Variants in PTPRO observed in about 807,000 individuals in gnomAD.
PTPRO encodes receptor-type tyrosine-protein phosphatase O.
In PTPRO, 62 loss-of-function variants were observed where a neutral mutation model predicts 145.2. The ratio of observed to expected loss-of-function variants is 0.43; its 90% CI spans 0.35 to 0.53. The LOEUF (loss-of-function observed/expected upper bound fraction) is 0.53, where lower values mean the gene tolerates loss of function less well. Among genes scored for constraint, PTPRO ranks in the 20% least tolerant of loss-of-function variants. The pLI is 0.01. For synonymous variants in PTPRO, 565 were observed against 514.7 expected (o/e 1.10, Z -1.32); for missense variants, 1,345 against 1,482.7 (o/e 0.91, Z 1.53).
intron 1 of PTPRO, among the ~76,000 whole-genome samples, chr12:15,402,906 A>G (rs1408165693): frequency 6.6e-6 from 1 of 152,212 alleles, no homozygotes; most frequent in Non-Finnish European, 1.5e-5. Context: ...CTGTACTGTC[A>G]CAGTCAGTAC....
intron 1 of PTPRO, among the ~76,000 whole-genome samples, chr12:15,359,166 G>C (rs182326479): frequency 6.0e-4 from 92 of 152,284 alleles, no homozygotes; most frequent in African/African-American, 2.1e-3. Context: ...GTTTCTAAAA[G>C]AGTACCTCAC....
intron 1 of PTPRO, among the ~76,000 whole-genome samples, chr12:15,400,613 G>T (rs2136298577): frequency 6.6e-6 from 1 of 152,190 alleles, no homozygotes; most frequent in Middle Eastern, 3.4e-3. Flanking sequence ...CATCATGACA[G>T]GCTTTCATCA....
chr12:15,423,197 A>G (rs1940194047), intron 1 of PTPRO, among the ~76,000 whole-genome samples: 2 of 152,246 alleles, frequency 1.3e-5, no homozygotes, highest in East Asian at 3.9e-4. Flanking sequence ...AATTGCTGCA[A>G]ACCTCCCATA....
chr12:15,337,128 G>A (rs962169927), intron 1 of PTPRO, among the ~76,000 whole-genome samples: 3 of 152,256 alleles, frequency 2.0e-5, no homozygotes, highest in Middle Eastern at 3.4e-3. Context: ...AAGAAGAAAC[G>A]TTTTGTAGGA....
intron 1 of PTPRO, among the ~76,000 whole-genome samples, chr12:15,328,276 A>C (rs1436798852): frequency 6.6e-6 from 1 of 152,030 alleles, no homozygotes; most frequent in Non-Finnish European, 1.5e-5. Flanking sequence ...GTACCTTTGA[A>C]TTTATTTCTA....
chr12:15,366,116 C>T (rs1442509040), intron 1 of PTPRO, among the ~76,000 whole-genome samples: 1 of 152,172 alleles, frequency 6.6e-6, no homozygotes, highest in Non-Finnish European at 1.5e-5. Context: ...GCAGAAGTCA[C>T]AGCTCCTAGG....
intron 23 of PTPRO, 115 bp from the exon 24 acceptor site, chr12:15,586,780 TAC>T (rs1297677606): frequency 3.5e-6 from 4 of 1,136,772 alleles, no homozygotes; most frequent in Non-Finnish European, 2.6e-6. Flanking sequence ...AAGGAAAGTG[TAC>T]TGACCAGGAG....
At chr12:15,444,669 A>G (rs1396653284) in intron 1 of PTPRO, among the ~76,000 whole-genome samples, 3 of 151,588 alleles carry the variant, frequency 2.0e-5, no homozygotes, top group African/African-American at 4.9e-5. Context: ...GTTCCCTTAT[A>G]AAGGAGGCCC....
At chr12:15,474,462 A>G (rs1941611205) in intron 1 of PTPRO, among the ~76,000 whole-genome samples, 1 of 152,184 alleles carries the variant, frequency 6.6e-6, no homozygotes, top group Non-Finnish European at 1.5e-5. Context: ...TTATGGAAAG[A>G]TAAGTACCAA....
At chr12:15,442,859 G>C (rs1174654124) in intron 1 of PTPRO, among the ~76,000 whole-genome samples, 2 of 152,034 alleles carry the variant, frequency 1.3e-5, no homozygotes, top group Admixed American at 6.6e-5. Context: ...CATGCTCATA[G>C]ATTAGAAGAA....
At chr12:15,531,115 A>G (rs1942954046) in intron 12 of PTPRO, among the ~76,000 whole-genome samples, 1 of 152,144 alleles carries the variant, frequency 6.6e-6, no homozygotes. Flanking sequence ...GGAAAACTAG[A>G]AGAAATGGAT....
chr12:15,426,153 C>G (rs1940280027), intron 1 of PTPRO, among the ~76,000 whole-genome samples: 1 of 151,338 alleles, frequency 6.6e-6, no homozygotes. Flanking sequence ...AAGCTTATTT[C>G]TAAGTATTTT....
intron 2 of PTPRO, among the ~76,000 whole-genome samples, 183 bp from the exon 3 acceptor site, chr12:15,497,062 T>C (rs1288630879): frequency 6.6e-6 from 1 of 152,240 alleles, no homozygotes; most frequent in Non-Finnish European, 1.5e-5. Context: ...CCATATAAAA[T>C]GTACTTTATT....
intron 1 of PTPRO, among the ~76,000 whole-genome samples, chr12:15,408,424 CGTT>C (rs760941723): frequency 5.9e-5 from 9 of 151,714 alleles, no homozygotes; most frequent in South Asian, 4.2e-4. Flanking sequence ...TTTTTGTTTT[CGTT>C]GTTGTTGTTG....
At chr12:15,383,721 G>A (rs747965588) in intron 1 of PTPRO, among the ~76,000 whole-genome samples, 2 of 152,120 alleles carry the variant, frequency 1.3e-5, no homozygotes, top group Non-Finnish European at 2.9e-5. Flanking sequence ...GAGCTTCCAG[G>A]TCATAGGTGG....
intron 1 of PTPRO, among the ~76,000 whole-genome samples, chr12:15,395,429 A>C (rs1456520094): frequency 6.6e-6 from 1 of 152,100 alleles, no homozygotes; most frequent in Non-Finnish European, 1.5e-5. Flanking sequence ...TCAGATCACA[A>C]ACATAAGTCA....
intron 1 of PTPRO, among the ~76,000 whole-genome samples, chr12:15,390,673 G>A (rs1939163913): frequency 6.6e-6 from 1 of 152,114 alleles, no homozygotes. Flanking sequence ...ATATGGTCTA[G>A]GCCCAAAGTG....
chr12:15,346,230 A>G (rs1311123039), intron 1 of PTPRO, among the ~76,000 whole-genome samples: 3 of 152,204 alleles, frequency 2.0e-5, no homozygotes, highest in Non-Finnish European at 2.9e-5. Context: ...CTTTTCATTT[A>G]GCAGTAACTG....
At chr12:15,354,192 A>T (rs1162170294) in intron 1 of PTPRO, among the ~76,000 whole-genome samples, 1 of 152,188 alleles carries the variant, frequency 6.6e-6, no homozygotes, top group Non-Finnish European at 1.5e-5. Context: ...AATGGGCTGC[A>T]TCTTAAACAT....
Sources: allele counts gnomAD v4.1 joint callset (sites outside exome capture counted in the v4.1 genomes callset), GRCh38; gene constraint gnomAD v4.1.1; transcripts MANE v1.5; gene names NCBI Gene and HGNC (gene_info 2026-07-23, HGNC 2026-07-21).